PTBP3: variants seen among roughly 807,000 people sequenced by gnomAD.
The protein encoded by PTBP3 is polypyrimidine tract-binding protein 3.
Under a neutral mutation model 58.7 loss-of-function variants are expected in PTBP3, and 20 were observed. The ratio of observed to expected loss-of-function variants is 0.34; its 90% CI spans 0.24 to 0.50. The LOEUF (loss-of-function observed/expected upper bound fraction) is 0.50. Among genes scored for constraint, PTBP3 ranks in the 20% least tolerant of loss-of-function variants. The pLI is 0.98. For missense variants in PTBP3, 509 were observed against 637.2 expected (o/e 0.80, Z 2.17); for synonymous variants, 185 against 219.8 (o/e 0.84, Z 1.40).
chr9:112,371,295 A>G, the PTBP3 span, among the ~76,000 whole-genome samples: 1 of 152,184 alleles, frequency 6.6e-6, no homozygotes, highest in Non-Finnish European at 1.5e-5. Context: ...CTTACTGTCC[A>G]GATTTCAACA....
At chr9:112,243,951 A>G (rs529811182) in intron 7 of PTBP3, among the ~76,000 whole-genome samples, 2 of 152,294 alleles carry the variant, frequency 1.3e-5, no homozygotes, top group Admixed American at 1.3e-4. Flanking sequence ...CAGAATACAA[A>G]AAGTATGGTT....
the PTBP3 span, among the ~76,000 whole-genome samples, chr9:112,339,687 C>T: frequency 1.3e-5 from 2 of 151,858 alleles, no homozygotes; most frequent in African/African-American, 4.8e-5. Flanking sequence ...CCTCAGCCTC[C>T]CAAGTAGCTG....
At position 112,223,844 on chromosome 9, in the gene PTBP3, A is replaced by G; in HGVS notation, c.*7T>C. ...GTCCAGTTTTAGGAGAAAAATTCAC[A>G]GAAAAGTCAGATTGTAGATTTTGAG... is the stretch of plus-strand genomic sequence containing the variant. On this transcript the variant is annotated 3_prime_UTR_variant, in exon 14 of 14. Transcript: ENST00000374257. 1 of 1,613,530 alleles carries G rather than the reference A, an allele frequency of 6.2e-7. No homozygotes were observed.
chr9:112,295,784 C>G (rs1828653987), intron 2 of PTBP3, among the ~76,000 whole-genome samples: 1 of 151,912 alleles, frequency 6.6e-6, no homozygotes. Context: ...GGTCATAATC[C>G]CAAATGGAAA....
chr9:112,339,512 AT>A, the PTBP3 span, among the ~76,000 whole-genome samples: 17 of 145,862 alleles, frequency 1.2e-4, no homozygotes, highest in Non-Finnish European at 1.8e-4. Context: ...GATTGTTGTT[AT>A]TTTTTTTCTT....
chr9:112,355,740 C>T, the PTBP3 span, among the ~76,000 whole-genome samples: 7 of 151,624 alleles, frequency 4.6e-5, 1 homozygote, highest in South Asian at 1.5e-3. Flanking sequence ...AATCCTCAGC[C>T]TCCTGAGTAG....
chr9:112,275,324 G>C (rs1215041837), intron 3 of PTBP3, among the ~76,000 whole-genome samples: 1 of 151,966 alleles, frequency 6.6e-6, no homozygotes, highest in Non-Finnish European at 1.5e-5. Context: ...TAGTAGAGAC[G>C]GGGTTTCACC....
At chr9:112,322,307 T>TAAACTCCAG (rs1829987878) in intron 1 of PTBP3, among the ~76,000 whole-genome samples, 1 of 152,126 alleles carries the variant, frequency 6.6e-6, no homozygotes, top group Non-Finnish European at 1.5e-5. Context: ...GGGTATTTCC[T>TAAACTCCAG]AAACTCCAGT....
rs370927849 is a variant in PTBP3, at chr9:112,240,110, T to C, written c.803-5213A>G. Among the ~76,000 whole-genome samples, 228 of 152,112 alleles carry C rather than the reference T, an allele frequency of 1.5e-3. 1 individual carries two copies. The highest frequency in any genetic ancestry group is 4.8e-3 in the South Asian group (23 of 4,808). On this transcript the variant is annotated intron_variant, in intron 7 of 13. Transcript: ENST00000374257. The stretch of plus-strand genomic sequence containing the variant: ...TGAAGTAGGGGAGCACAAAAAAAGA[T>C]TTGTCAAAAAGAAAAAAGATGGTAT...
chr9:112,375,541 A>G, the PTBP3 span, among the ~76,000 whole-genome samples: 1 of 152,058 alleles, frequency 6.6e-6, no homozygotes, highest in Admixed American at 6.6e-5. Flanking sequence ...TCCTCTGTCA[A>G]CTGATCATGT....
intron 5 of PTBP3, among the ~76,000 whole-genome samples, chr9:112,253,837 C>A (rs1294324938): frequency 6.6e-6 from 1 of 152,164 alleles, no homozygotes; most frequent in East Asian, 1.9e-4. Context: ...TTTCCTGAAG[C>A]CTCCCCAGCC....
intron 2 of PTBP3, among the ~76,000 whole-genome samples, chr9:112,293,215 G>A (rs1371159292): frequency 2.0e-5 from 3 of 152,134 alleles, no homozygotes; most frequent in Non-Finnish European, 4.4e-5. Flanking sequence ...TCAAGCTAAT[G>A]AATACACTTG....
intron 1 of PTBP3, among the ~76,000 whole-genome samples, chr9:112,329,132 C>T (rs940549752): frequency 6.6e-5 from 10 of 152,024 alleles, no homozygotes; most frequent in African/African-American, 1.2e-4. Flanking sequence ...ATAAATGGGC[C>T]GGGTGTGGTG....
chr9:112,227,222 C>G (rs1835023874), intron 12 of PTBP3, among the ~76,000 whole-genome samples, 189 bp downstream of exon 12: 1 of 152,070 alleles, frequency 6.6e-6, no homozygotes, highest in African/African-American at 2.4e-5. Context: ...AAACAGGTAT[C>G]TTTCTATTTT....
chr9:112,306,872 T>TC (rs1189703225), intron 1 of PTBP3, among the ~76,000 whole-genome samples: 7 of 152,080 alleles, frequency 4.6e-5, no homozygotes, highest in African/African-American at 1.7e-4. Context: ...CACCTTGGCC[T>TC]CCCAAAGTGC....
chr9:112,364,854 CTAAG>C, the PTBP3 span, among the ~76,000 whole-genome samples: 79 of 152,294 alleles, frequency 5.2e-4, no homozygotes, highest in African/African-American at 1.9e-3. Flanking sequence ...TTACCACTAA[CTAAG>C]TCACTATGTT....
Position 112,221,556 on chromosome 9 carries a change from G to A in PTBP3, c.*2295C>T, listed in dbSNP as rs979784433. On this transcript the variant is annotated 3_prime_UTR_variant, in exon 14 of 14. Transcript: ENST00000374257. The stretch of plus-strand genomic sequence containing the variant: ...GTGCCTGTGTGGAAGGGAAAAAAAA[G>A]CAAGTTTTGGGAGATTTTGCAAAGA... The A allele has an allele frequency of 2.4e-5, 24 of 985,596 alleles. No individual in the cohort carries two copies. The African/African-American group carries it at 3.0e-4, about 12-fold the overall frequency. The allele number at this position is 985,596 out of a possible 1,614,324, so 61.1% of individuals were successfully genotyped here.
At position 112,232,251 on chromosome 9, in the gene PTBP3, C is replaced by T; in HGVS notation, c.881-13G>A. 1 of 1,573,408 alleles carries T rather than the reference C, an allele frequency of 6.4e-7. No individual in the cohort carries two copies. The highest frequency in any genetic ancestry group is 8.6e-7 in the Non-Finnish European group (1 of 1,157,492). ...GGAACTGATAGACCTTTTAAAAATA[C>T]CAAAAGCATTTCATATTCTAATTAT... On this transcript the variant is annotated splice_polypyrimidine_tract_variant and intron_variant, in intron 8 of 13. Transcript: ENST00000374257.
At position 112,333,585 on chromosome 9, in the gene PTBP3, G is replaced by T. The variant is rs903419834; in HGVS notation, c.-167C>A. ...CCGGGGACAAGCGAGCTTTGGCTCTGCGGAGCCCCGGCCGGTCCGAGGTGG... is the reference window on the plus strand; with the variant it reads ...CCGGGGACAAGCGAGCTTTGGCTCTTCGGAGCCCCGGCCGGTCCGAGGTGG... On this transcript the variant is annotated 5_prime_UTR_variant, in exon 1 of 14. Coordinates refer to ENST00000374257, the MANE Select transcript of PTBP3 (RefSeq NM_001163788.4). 7.3e-7 allele frequency: 1 copy of T among 1,377,180 alleles called. No individual in the cohort carries two copies. Among genetic ancestry groups the T allele is most frequent in the Non-Finnish European group, 1.0e-6 (1 of 990,598 alleles). 85.3% of individuals were successfully genotyped at this position (1,377,180 alleles called of 1,614,324 possible).
Sources: allele counts gnomAD v4.1 joint callset (sites outside exome capture counted in the v4.1 genomes callset), GRCh38; gene constraint gnomAD v4.1.1; transcripts MANE v1.5; gene names NCBI Gene and HGNC (gene_info 2026-07-23, HGNC 2026-07-21).